The following NCALD variants were observed in gnomAD, a reference collection of about 807,000 sequenced individuals.
NCALD encodes neurocalcin delta.
In NCALD, 10 loss-of-function variants were observed where a neutral mutation model predicts 18.6. The observed-to-expected ratio is 0.54, with a 90% CI of 0.33 to 0.91. The LOEUF is 0.91. Among genes scored for constraint, NCALD ranks in the 40% least tolerant of loss-of-function variants. The pLI, the probability that NCALD is intolerant of heterozygous loss-of-function variation, is 0.03. For synonymous variants in NCALD, 88 were observed against 87.4 expected, an observed-to-expected ratio of 1.01 and a Z score of -0.04; for missense variants, 184 against 247.6, an observed-to-expected ratio of 0.74 and a Z score of 1.72.
chr8:102,004,538 T>C (rs1053927433), intron 2 of NCALD, among the ~76,000 whole-genome samples: 3 of 152,154 alleles, frequency 2.0e-5, no homozygotes, highest in African/African-American at 7.2e-5. Context: ...ACTTTAAAGT[T>C]CATATGGAAC....
At position 101,752,668 on chromosome 8, in the gene NCALD, C is replaced by T. The variant is rs145043903; in HGVS notation, c.-19-33020G>A. On this transcript the variant is annotated intron_variant, in intron 1 of 3. Coordinates refer to ENST00000220931, the MANE Select transcript of NCALD (RefSeq NM_032041.3). Reference sequence around the variant, plus strand: ...CAAGTAAAGTGTTTGGACTAGGTTCCAATGCTAACGGACCATAAGGTAGAA... The same window carrying T: ...CAAGTAAAGTGTTTGGACTAGGTTCTAATGCTAACGGACCATAAGGTAGAA... 4.1e-3 allele frequency among the ~76,000 whole-genome samples: 619 copies of T among 152,236 alleles called. 8 individuals are homozygous for T. Among genetic ancestry groups the T allele is most frequent in the African/African-American group, 0.014 (594 of 41,538 alleles).
At chr8:101,880,300 C>T (rs1816433978) in intron 4 of NCALD, among the ~76,000 whole-genome samples, 1 of 152,176 alleles carries the variant, frequency 6.6e-6, no homozygotes, top group Admixed American at 6.5e-5. Flanking sequence ...GAGTGCGGGG[C>T]CCACTGAGCC....
intron 1 of NCALD, among the ~76,000 whole-genome samples, chr8:102,111,794 A>G (rs1390613963): frequency 6.6e-6 from 1 of 152,172 alleles, no homozygotes; most frequent in African/African-American, 2.4e-5. Flanking sequence ...AATCTCTTAC[A>G]TAACACTACA....
At chr8:101,749,769 G>C (rs929037379) in intron 1 of NCALD, among the ~76,000 whole-genome samples, 2 of 152,130 alleles carry the variant, frequency 1.3e-5, no homozygotes, top group African/African-American at 4.8e-5. Flanking sequence ...CCAGAGGTGA[G>C]AACTACAGGT....
At chr8:102,114,524 C>T (rs75609725) in intron 1 of NCALD, among the ~76,000 whole-genome samples, 9,299 of 152,256 alleles carry the variant, frequency 0.061, 424 homozygotes, top group Non-Finnish European at 0.093. Flanking sequence ...CCATGACCAC[C>T]CTAGGCCTGA....
rs1480305052 is a variant in NCALD at position 101,700,076 on chromosome 8, T to A, written c.379-7180A>T. Among the ~76,000 whole-genome samples the A allele has an allele frequency of 4.6e-5, 7 of 151,482 alleles. No homozygotes were observed. The South Asian group carries it at 8.4e-4, about 18-fold the overall frequency. On this transcript the variant is annotated intron_variant, in intron 2 of 3. Coordinates refer to ENST00000220931, the MANE Select transcript of NCALD (RefSeq NM_032041.3). ...TATTTATTCATTTATTTATTTATTT[T>A]TTGAGAAAAGGTCTCATTCTGTTGC...
In NCALD at chr8:102,012,609, CTTGT is replaced by C. The variant is rs1388650214; in HGVS notation, c.-157+7624_-157+7627del. Reference sequence around the variant, plus strand: ...GCTACTGCCCAGTCATCTGCATTTGCTTGTTTGTTTGTTTCTTGAGAAGCAATGC... The same window carrying C: ...GCTACTGCCCAGTCATCTGCATTTGCTTGTTTGTTTCTTGAGAAGCAATGC... On this transcript the variant is annotated intron_variant, in intron 2 of 6. Coordinates refer to the NCALD transcript ENST00000311028. Among the ~76,000 whole-genome samples, 6 of 152,324 alleles carry C rather than the reference CTTGT, an allele frequency of 3.9e-5. No homozygotes were observed. In the South Asian group the frequency reaches 1.0e-3, roughly 26 times the overall value.
intron 1 of NCALD, among the ~76,000 whole-genome samples, chr8:101,756,332 A>G (rs944064935): frequency 6.6e-6 from 1 of 152,204 alleles, no homozygotes; most frequent in African/African-American, 2.4e-5. Context: ...CTGAGACCCA[A>G]GATGTCACTG....
chr8:101,870,044 G>A (rs533731598), intron 4 of NCALD, among the ~76,000 whole-genome samples: 1 of 152,110 alleles, frequency 6.6e-6, no homozygotes, highest in Admixed American at 6.5e-5. Flanking sequence ...TTTACAGTTT[G>A]AAAATTGAGG....
At chr8:102,115,489 T>C (rs1825756527) in intron 1 of NCALD, among the ~76,000 whole-genome samples, 1 of 152,164 alleles carries the variant, frequency 6.6e-6, no homozygotes, top group South Asian at 2.1e-4. Context: ...AACAGAATAA[T>C]TGATGCCCTG....
chr8:102,058,946 A>G (rs1156472990), intron 1 of NCALD, among the ~76,000 whole-genome samples: 1 of 152,200 alleles, frequency 6.6e-6, no homozygotes, highest in Admixed American at 6.5e-5. Flanking sequence ...CTACAAGGAA[A>G]GGAATGCAGA....
chr8:102,029,398 C>A (rs569746593), intron 1 of NCALD, among the ~76,000 whole-genome samples: 30 of 152,302 alleles, frequency 2.0e-4, no homozygotes, highest in Non-Finnish European at 3.8e-4. Context: ...AGAATCAGAT[C>A]TTTTACAGAG....
intron 2 of NCALD, among the ~76,000 whole-genome samples, chr8:101,967,690 G>A (rs1304294226): frequency 1.3e-5 from 2 of 152,144 alleles, no homozygotes; most frequent in Non-Finnish European, 2.9e-5. Context: ...GCCAGCAAGA[G>A]TTCTGGGAAC....
At chr8:102,011,654 A>G (rs1225719990) in intron 2 of NCALD, among the ~76,000 whole-genome samples, 2 of 152,214 alleles carry the variant, frequency 1.3e-5, no homozygotes, top group African/African-American at 4.8e-5. Context: ...GGTATGTGCT[A>G]TTCCAAAATA....
chr8:101,851,488 A>G (rs1410447776), intron 4 of NCALD, among the ~76,000 whole-genome samples: 1 of 152,172 alleles, frequency 6.6e-6, no homozygotes, highest in Non-Finnish European at 1.5e-5. Flanking sequence ...TGCCTATCAT[A>G]TTTACTTTTG....
chr8:101,688,895 G>A lies in NCALD; in HGVS notation c.*414C>T, dbSNP rs113916818. On this transcript the variant is annotated 3_prime_UTR_variant, in exon 4 of 4. Coordinates refer to ENST00000220931, the MANE Select transcript of NCALD (RefSeq NM_032041.3). Reference sequence around the variant, plus strand: ...GTGCCATCCATCACCCCTACGGCACGTGTGACAACAGATTCAGGTGGGGAG... The same window carrying A: ...GTGCCATCCATCACCCCTACGGCACATGTGACAACAGATTCAGGTGGGGAG... 5.5e-3 allele frequency: 3,419 copies of A among 625,298 alleles called. 66 individuals carry two copies. The highest frequency in any genetic ancestry group is 0.05 in the African/African-American group (2,712 of 54,624). The allele number at this position is 625,298 out of a possible 1,614,324, so 38.7% of individuals were successfully genotyped here. A position where few individuals can be genotyped will look rare whatever the true frequency, so the allele number is the denominator to read the frequency against.
At chr8:101,804,644 T>TATA (rs1181046229) in intron 4 of NCALD, among the ~76,000 whole-genome samples, 1 of 126,608 alleles carries the variant, frequency 7.9e-6, no homozygotes, top group African/African-American at 3.2e-5. Flanking sequence ...TTAACTATTA[T>TATA]ATATTAGTAT....
chr8:101,836,011 A>C (rs1814397221), intron 4 of NCALD, among the ~76,000 whole-genome samples: 1 of 152,042 alleles, frequency 6.6e-6, no homozygotes, highest in South Asian at 2.1e-4. Flanking sequence ...ATCACACAGA[A>C]GCTCTCCAAC....
intron 3 of NCALD, among the ~76,000 whole-genome samples, chr8:101,910,291 T>C (rs939740981): frequency 6.6e-6 from 1 of 152,116 alleles, no homozygotes; most frequent in Non-Finnish European, 1.5e-5. Context: ...AAGTTTTTAT[T>C]TGACTTGAGG....
Sources: gnomAD v4.1 joint callset for allele counts (sites outside exome capture counted in the v4.1 genomes callset) on GRCh38, gnomAD v4.1.1 for gene constraint, MANE v1.5 for transcripts, NCBI Gene and HGNC (gene_info 2026-07-23, HGNC 2026-07-21) for gene names.